Variants in CTNNA3 observed in about 807,000 individuals in gnomAD.
CTNNA3 encodes catenin alpha 3.
CTNNA3 carries 76 observed loss-of-function variants against 95.7 expected under a neutral mutation model. That is an observed-to-expected ratio of 0.79 (90% CI 0.66 to 0.96). CTNNA3 has a LOEUF of 0.96. CTNNA3 is among the 40% of genes least tolerant of loss of function. The probability of loss-of-function intolerance (pLI) is 0.00; values close to 1 mark genes in which losing one functional copy is unlikely to be tolerated. For missense variants in CTNNA3, 1,191 were observed against 1,089.8 expected, an observed-to-expected ratio of 1.09 and a Z score of -1.31; for synonymous variants, 431 against 374.4, an observed-to-expected ratio of 1.15 and a Z score of -1.74.
chr10:66,329,234 G>T (rs2092295740), intron 12 of CTNNA3, among the ~76,000 whole-genome samples: 1 of 151,738 alleles, frequency 6.6e-6, no homozygotes, highest in African/African-American at 2.4e-5. Context: ...TACGGGGTGA[G>T]CCACGGCGCC....
At chr10:66,290,234 G>A (rs2091657912) in intron 12 of CTNNA3, among the ~76,000 whole-genome samples, 1 of 152,004 alleles carries the variant, frequency 6.6e-6, no homozygotes, top group Admixed American at 6.6e-5. Context: ...AAAGAGTCAA[G>A]TGTGCAATAA....
chr10:66,256,780 G>T (rs372928389), intron 13 of CTNNA3, among the ~76,000 whole-genome samples: 2 of 151,464 alleles, frequency 1.3e-5, no homozygotes, highest in Non-Finnish European at 2.9e-5. Context: ...ATTACATGGC[G>T]ACAGCACTGG....
intron 7 of CTNNA3, among the ~76,000 whole-genome samples, chr10:67,065,835 T>C: frequency 6.6e-6 from 1 of 152,110 alleles, no homozygotes; most frequent in Non-Finnish European, 1.5e-5. Flanking sequence ...CAGTGAGATT[T>C]TGGGGTTTGT....
At chr10:67,727,770 A>T (rs1175427588) in intron 1 of CTNNA3, among the ~76,000 whole-genome samples, 1 of 127,558 alleles carries the variant, frequency 7.8e-6, no homozygotes, top group Non-Finnish European at 1.6e-5. Context: ...TATTATATAT[A>T]ATATATAATA....
chr10:65,956,056 C>G (rs2077723527), intron 17 of CTNNA3, among the ~76,000 whole-genome samples: 1 of 152,118 alleles, frequency 6.6e-6, no homozygotes, highest in Non-Finnish European at 1.5e-5. Context: ...ATTATTGCCT[C>G]AATTTCAGAG....
intron 15 of CTNNA3, among the ~76,000 whole-genome samples, chr10:65,989,566 G>A (rs897602285): frequency 1.3e-5 from 2 of 151,712 alleles, no homozygotes; most frequent in East Asian, 3.9e-4. Flanking sequence ...CTATATTTTA[G>A]TTACTTTAAA....
At chr10:67,331,228 G>A (rs1383393450) in intron 5 of CTNNA3, among the ~76,000 whole-genome samples, 1 of 152,086 alleles carries the variant, frequency 6.6e-6, no homozygotes, top group East Asian at 1.9e-4. Flanking sequence ...TTAGGCTCCT[G>A]TTGGCAAACT....
At chr10:67,561,727 T>A (rs993798351) in intron 3 of CTNNA3, among the ~76,000 whole-genome samples, 1 of 151,838 alleles carries the variant, frequency 6.6e-6, no homozygotes, top group Non-Finnish European at 1.5e-5. Flanking sequence ...ATCAACAAAA[T>A]TGATAGACTG....
chr10:66,554,956 G>C (rs1842345274), intron 10 of CTNNA3, among the ~76,000 whole-genome samples: 1 of 151,888 alleles, frequency 6.6e-6, no homozygotes, highest in Non-Finnish European at 1.5e-5. Context: ...TTGGCTCTCT[G>C]ATTATATGTT....
chr10:66,497,872 A>G (rs1911343), intron 11 of CTNNA3, among the ~76,000 whole-genome samples: 20,882 of 152,094 alleles, frequency 0.14, 2,481 homozygotes, highest in East Asian at 0.52. Flanking sequence ...AATTGTACCA[A>G]TCATAAGCCA....
intron 15 of CTNNA3, among the ~76,000 whole-genome samples, chr10:66,019,114 T>C (rs1342434923): frequency 6.6e-6 from 1 of 152,126 alleles, no homozygotes; most frequent in Non-Finnish European, 1.5e-5. Context: ...GCTGAGAGCT[T>C]TATTGCAGAG....
intron 5 of CTNNA3, among the ~76,000 whole-genome samples, chr10:67,277,449 G>A (rs1457191607): frequency 2.0e-5 from 3 of 152,164 alleles, no homozygotes; most frequent in Admixed American, 2.0e-4. Context: ...TCTTAGTCCT[G>A]AGAAGACTAA....
chr10:67,367,327 G>A (rs930969335), intron 5 of CTNNA3, among the ~76,000 whole-genome samples: 6 of 151,148 alleles, frequency 4.0e-5, no homozygotes, highest in Admixed American at 2.6e-4. Context: ...CCAAACATAC[G>A]AAAAAAATAT....
chr10:66,955,634 C>T (rs959347708), intron 7 of CTNNA3, among the ~76,000 whole-genome samples: 10 of 152,150 alleles, frequency 6.6e-5, no homozygotes, highest in East Asian at 3.9e-4. Context: ...GATAGACACA[C>T]GACTGCATGA....
In CTNNA3 at chr10:67,465,102, T is replaced by G. The variant is rs545608242; in HGVS notation, c.579+56740A>C. Among the ~76,000 whole-genome samples the G allele has an allele frequency of 1.6e-4, 23 of 145,818 alleles. 1 individual carries two copies. The South Asian group carries it at 5.5e-3, about 35-fold the overall frequency. ...CATTTTAGTTTCAAGCTGGAAAGAT[T>G]CAGTGACATTTTGCATCATTTAAAA... is the stretch of plus-strand genomic sequence containing the variant. On this transcript the variant is annotated intron_variant, in intron 5 of 17. Transcript: ENST00000433211.
chr10:66,583,983 T>C (rs1375206778), intron 10 of CTNNA3, among the ~76,000 whole-genome samples: 2 of 151,880 alleles, frequency 1.3e-5, no homozygotes, highest in African/African-American at 2.4e-5. Flanking sequence ...TGTATTTGCA[T>C]AGTTTTGAGG....
chr10:66,942,012 C>G (rs1168989297), intron 7 of CTNNA3, among the ~76,000 whole-genome samples: 2 of 152,068 alleles, frequency 1.3e-5, no homozygotes, highest in Admixed American at 6.6e-5. Context: ...TTAAATAAAC[C>G]TGGGGTGCAG....
At position 65,917,403 on chromosome 10, in the gene CTNNA3, T is replaced by C. The variant is rs1299605864; in HGVS notation, c.*2927A>G. On this transcript the variant is annotated 3_prime_UTR_variant, in exon 18 of 18. Coordinates refer to ENST00000433211, the MANE Select transcript of CTNNA3 (RefSeq NM_013266.4). The stretch of plus-strand genomic sequence containing the variant: ...TGATTTCTATTTCTCACTTTTTATA[T>C]TTGATAGAAATCTTCAAATTTCTCT... The C allele has an allele frequency of 6.6e-6, 1 of 152,130 alleles. No individual in the cohort carries two copies. Among genetic ancestry groups the C allele is most frequent in the African/African-American group, 2.4e-5 (1 of 41,430 alleles). 9.4% of individuals were successfully genotyped at this position (152,130 alleles called of 1,614,324 possible).
At chr10:67,742,787 C>A (rs1399370165) in intron 1 of CTNNA3, among the ~76,000 whole-genome samples, 1 of 150,970 alleles carries the variant, frequency 6.6e-6, no homozygotes, top group African/African-American at 2.4e-5. Context: ...AGAGAAGAAT[C>A]AAATAGACGC....
Sources: gnomAD v4.1 joint callset for allele counts (sites outside exome capture counted in the v4.1 genomes callset) on GRCh38, gnomAD v4.1.1 for gene constraint, MANE v1.5 for transcripts, NCBI Gene and HGNC (gene_info 2026-07-23, HGNC 2026-07-21) for gene names.